Variants in FAM193B observed in about 807,000 individuals in gnomAD.
FAM193B encodes the protein family with sequence similarity 193 member B, also known as protein FAM193B.
A neutral mutation model predicts 70.7 loss-of-function variants in FAM193B; 27 were observed. The observed-to-expected ratio is 0.38, with a 90% CI of 0.28 to 0.53. The LOEUF is 0.53. FAM193B is among the 20% of genes least tolerant of loss of function. The pLI is 0.81. For missense variants in FAM193B, 1,022 were observed against 1,072.5 expected (o/e 0.95, Z 0.66); for synonymous variants, 448 against 436.0 (o/e 1.03, Z -0.34).
chr5:177,525,843 CAG>C (rs1268949895), intron 5 of FAM193B, among the ~76,000 whole-genome samples: 6 of 152,230 alleles, frequency 3.9e-5, no homozygotes, highest in African/African-American at 1.4e-4. Context: ...CTGGAAGGCT[CAG>C]AGAGGCCAGG....
At chr5:177,540,284 G>A (rs573838871) in intron 1 of FAM193B, among the ~76,000 whole-genome samples, 17 of 149,210 alleles carry the variant, frequency 1.1e-4, no homozygotes, top group Non-Finnish European at 1.9e-4. Context: ...TCCAGCCTGG[G>A]CGACAGAGCG....
intron 3 of FAM193B, 85 bp from the exon 4 acceptor site, chr5:177,536,830 T>C: frequency 6.7e-7 from 1 of 1,486,818 alleles, no homozygotes; most frequent in Non-Finnish European, 9.0e-7. Context: ...CACAGCATCC[T>C]GCTTCTGTGA....
chr5:177,538,567 A>C lies in FAM193B; in HGVS notation c.453+338T>G, dbSNP rs1342654762. 6.6e-6 allele frequency among the ~76,000 whole-genome samples: 1 copy of C among 152,138 alleles called. No homozygotes were observed. The highest frequency in any genetic ancestry group is 1.5e-5 in the Non-Finnish European group (1 of 68,018). On this transcript the variant is annotated intron_variant, in intron 2 of 8. Transcript: ENST00000514747. The surrounding 1 kb of genome is among the most constrained non-coding windows in gnomAD (Gnocchi z 4.1). ...TCCTTCTAACTAGGGCACATTTCAGACCCTCAAACTCATCTCTGTCTCCCA... is the reference window on the plus strand; with the variant it reads ...TCCTTCTAACTAGGGCACATTTCAGCCCCTCAAACTCATCTCTGTCTCCCA...
In FAM193B at chr5:177,532,401, G is replaced by C. The variant is rs1050840819; in HGVS notation, c.1275+42C>G. Reference sequence around the variant, plus strand: ...GCAGGGTGCTCCTTTTGCTCACCTTGGCTGGCCCCCAGCCCTCTCTAGCCT... The same window carrying C: ...GCAGGGTGCTCCTTTTGCTCACCTTCGCTGGCCCCCAGCCCTCTCTAGCCT... On this transcript the variant is annotated intron_variant, in intron 5 of 8. Transcript: ENST00000514747. The surrounding 1 kb of genome is among the most constrained non-coding windows in gnomAD (Gnocchi z 4.9). The C allele has an allele frequency of 1.9e-6, 3 of 1,577,714 alleles. No individual in the cohort carries two copies. Among genetic ancestry groups the C allele is most frequent in the Non-Finnish European group, 2.6e-6 (3 of 1,164,802 alleles).
At chr5:177,543,750 G>T (rs1417632209) in intron 1 of FAM193B, among the ~76,000 whole-genome samples, 3 of 152,216 alleles carry the variant, frequency 2.0e-5, no homozygotes, top group Non-Finnish European at 4.4e-5. Context: ...ACTGTGATCT[G>T]CTGCCATTTC....
At chr5:177,542,398 T>G (rs980445411) in intron 1 of FAM193B, among the ~76,000 whole-genome samples, 2 of 152,210 alleles carry the variant, frequency 1.3e-5, no homozygotes, top group African/African-American at 2.4e-5. Flanking sequence ...AAGCACCTAG[T>G]CCAGTGCTAG....
chr5:177,536,545 C>T lies in FAM193B; in HGVS notation c.889G>A (p.Ala297Thr). The part of the protein sequence containing the change: ...PAQASECPVA[A>T]ATAPHTPGPC... ...CCTGGAGTGTGGGGGGCAGTGGCAGCAGCAACAGGGCACTCTGAAGCCTGG... is the reference window on the plus strand; with the variant it reads ...CCTGGAGTGTGGGGGGCAGTGGCAGTAGCAACAGGGCACTCTGAAGCCTGG... The change falls in exon 4 of 9, where the codon GCT becomes ACT. Residue 297 changes from alanine to threonine, a missense_variant. By Grantham distance (58) the Ala-to-Thr change is moderately conservative. Transcript: ENST00000514747. 6.5e-7 allele frequency: 1 copy of T among 1,534,876 alleles called. No homozygotes were observed. Among genetic ancestry groups the T allele is most frequent in the Non-Finnish European group, 8.7e-7 (1 of 1,147,566 alleles).
In FAM193B at chr5:177,538,626, G is replaced by A. The variant is rs2087400355; in HGVS notation, c.453+279C>T. 6.6e-6 allele frequency among the ~76,000 whole-genome samples: 1 copy of A among 152,198 alleles called. No individual in the cohort carries two copies. Among genetic ancestry groups the A allele is most frequent in the Non-Finnish European group, 1.5e-5 (1 of 68,036 alleles). ...TGGTTGGCTTTCAAGCTGCCACAGAGCCGAAGGCAGCAGGCTCGTGATCTA... is the reference window on the plus strand; with the variant it reads ...TGGTTGGCTTTCAAGCTGCCACAGAACCGAAGGCAGCAGGCTCGTGATCTA... On this transcript the variant is annotated intron_variant, in intron 2 of 8. Transcript: ENST00000514747. This position sits in a 1 kb window ranked among gnomAD's most constrained non-coding sequence, Gnocchi z 4.1.
rs1415437082 is a variant in FAM193B at position 177,536,522 on chromosome 5, T to A, written c.912A>T (p.Pro304=). 1.3e-6 allele frequency: 2 copies of A among 1,547,028 alleles called. No individual in the cohort carries two copies. Among genetic ancestry groups the A allele is most frequent in the African/African-American group, 2.9e-5 (2 of 69,878 alleles). The change falls in exon 4 of 9, where the codon CCA becomes CCT. Residue 304 remains proline, a synonymous_variant. Coordinates refer to ENST00000514747, the MANE Select transcript of FAM193B (RefSeq NM_001190946.3). ...PVAAATAPHT[P]GPCQSSHLPS... ...GTAGATGGGAGCTCTGACATGGCCCTGGAGTGTGGGGGGCAGTGGCAGCAG... is the reference window on the plus strand; with the variant it reads ...GTAGATGGGAGCTCTGACATGGCCCAGGAGTGTGGGGGGCAGTGGCAGCAG...
chr5:177,549,597 T>A (rs1295577433), intron 1 of FAM193B, among the ~76,000 whole-genome samples: 2 of 152,274 alleles, frequency 1.3e-5, no homozygotes, highest in Non-Finnish European at 2.9e-5. Context: ...AGGAAGCCGA[T>A]GCTATATCTC....
At chr5:177,548,907 G>A (rs1397160286) in intron 1 of FAM193B, among the ~76,000 whole-genome samples, 3 of 152,116 alleles carry the variant, frequency 2.0e-5, no homozygotes, top group East Asian at 3.9e-4. Flanking sequence ...CCCTTCAGCC[G>A]GATCTCTCCC....
At chr5:177,550,471 C>T (rs1290480448) in intron 1 of FAM193B, among the ~76,000 whole-genome samples, 2 of 152,244 alleles carry the variant, frequency 1.3e-5, no homozygotes, top group Non-Finnish European at 2.9e-5. Context: ...ACTGACTAAT[C>T]ATCTGCTCCA....
At position 177,528,602 on chromosome 5, in the gene FAM193B, G is replaced by A. The variant is rs1762985542; in HGVS notation, c.1276-3397C>T. On this transcript the variant is annotated intron_variant, in intron 5 of 8. Transcript: ENST00000514747. The stretch of plus-strand genomic sequence containing the variant: ...TCATGACAAGGAAGAAAGTATGTTT[G>A]CAGGTGGGAATGGCAAAACAGTGGG... 3.3e-5 allele frequency among the ~76,000 whole-genome samples: 5 copies of A among 152,368 alleles called. No individual in the cohort carries two copies. The South Asian group carries it at 1.0e-3, about 32-fold the overall frequency.
In FAM193B at chr5:177,524,990, C is replaced by T. The variant is rs748931054; in HGVS notation, c.1491G>A (p.Met497Ile). 3.3e-6 allele frequency: 5 copies of T among 1,522,582 alleles called. No homozygotes were observed. The African/African-American group carries it at 4.2e-5, about 13-fold the overall frequency. The allele number at this position is 1,522,582 out of a possible 1,614,324, so 94.3% of individuals were successfully genotyped here. The change falls in exon 6 of 9, where the codon ATG (methionine) becomes ATA (isoleucine). Residue 497 changes from methionine to isoleucine, a missense_variant. Met to Ile is a conservative substitution (Grantham distance 10). Coordinates refer to ENST00000514747, the MANE Select transcript of FAM193B (RefSeq NM_001190946.3). ...RASFSVCELS[M>I]DSNGFSKEGA... Reference sequence around the variant, plus strand: ...CCTCCTTAGAGAAGCCATTGCTGTCCATGCTGAGCTCACACACACTGAAGC... The same window carrying T: ...CCTCCTTAGAGAAGCCATTGCTGTCTATGCTGAGCTCACACACACTGAAGC...
intron 1 of FAM193B, among the ~76,000 whole-genome samples, chr5:177,551,084 C>T (rs1766176376): frequency 6.6e-6 from 1 of 152,080 alleles, no homozygotes; most frequent in Non-Finnish European, 1.5e-5. Flanking sequence ...ATCCTCCTGC[C>T]TCAGCCTCCC....
intron 5 of FAM193B, among the ~76,000 whole-genome samples, chr5:177,529,210 T>C (rs1247669566): frequency 1.3e-5 from 2 of 151,020 alleles, no homozygotes; most frequent in South Asian, 2.1e-4. Context: ...TGTCAGCCCA[T>C]GACTCTCTCA....
chr5:177,526,358 C>T (rs891061066), intron 5 of FAM193B, among the ~76,000 whole-genome samples: 1 of 152,084 alleles, frequency 6.6e-6, no homozygotes, highest in Non-Finnish European at 1.5e-5. Flanking sequence ...TTCCCATGTG[C>T]GAAGGTGGGG....
At chr5:177,553,633 T>C (rs1459998683) in intron 1 of FAM193B, 1 of 1,252,678 alleles carries the variant, frequency 8.0e-7, no homozygotes, top group Non-Finnish European at 1.0e-6. Context: ...TGGGCTGCCT[T>C]GCGGAGCAGG....
Position 177,554,489 on chromosome 5 carries a change from A to ACGCCGCCGC in FAM193B, c.-40_-32dup, listed in dbSNP as rs1554123264. ...CGCTCGCGCCGCTCCCTCGCTCCAC[A>ACGCCGCCGC]CGCCGCCGCCGCCGCCGCCGCCGCC... On this transcript the variant is annotated 5_prime_UTR_variant, in exon 1 of 9. Transcript: ENST00000514747. The ACGCCGCCGC allele has an allele frequency of 1.3e-5, 8 of 605,946 alleles. No homozygotes were observed. In the African/African-American group the frequency reaches 1.9e-4, roughly 14 times the overall value. The allele number at this position is 605,946 out of a possible 1,614,324, so 37.5% of individuals were successfully genotyped here.
Sources: gnomAD v4.1 joint callset for allele counts (sites outside exome capture counted in the v4.1 genomes callset) on GRCh38, gnomAD v4.1.1 for gene constraint, Gnocchi (gnomAD v3.1) non-coding constraint, MANE v1.5 for transcripts, NCBI Gene and HGNC (gene_info 2026-07-23, HGNC 2026-07-21) for gene names.